MICU1: variants seen among roughly 807,000 people sequenced by gnomAD.
MICU1 encodes the protein mitochondrial calcium uptake 1, also known as calcium uptake protein 1, mitochondrial.
A neutral mutation model predicts 56.8 loss-of-function variants in MICU1; 45 were observed. That is an observed-to-expected ratio of 0.79 (90% CI 0.62 to 1.02). The LOEUF is 1.02. MICU1 is among the 50% of genes least tolerant of loss of function. MICU1 has a pLI of 0.00. For synonymous variants in MICU1, 186 were observed against 195.1 expected, an observed-to-expected ratio of 0.95 and a Z score of 0.39; for missense variants, 504 against 587.1, an observed-to-expected ratio of 0.86 and a Z score of 1.46.
At chr10:72,556,232 A>T (rs891564857) in intron 3 of MICU1, among the ~76,000 whole-genome samples, 3 of 152,210 alleles carry the variant, frequency 2.0e-5, no homozygotes, top group African/African-American at 7.2e-5. Flanking sequence ...CTGTCATAGG[A>T]TGATCTCTTA....
chr10:72,385,902 C>G (rs1042327508), intron 10 of MICU1, among the ~76,000 whole-genome samples: 2 of 152,182 alleles, frequency 1.3e-5, no homozygotes, highest in African/African-American at 4.8e-5. Flanking sequence ...CTGTGAGGGG[C>G]CTGGTGGCAA....
At chr10:72,409,903 C>G (rs983318889) in intron 9 of MICU1, among the ~76,000 whole-genome samples, 1 of 152,182 alleles carries the variant, frequency 6.6e-6, no homozygotes, top group Admixed American at 6.5e-5. Flanking sequence ...CTATTATCAT[C>G]ATCTCAGAAG....
intron 1 of MICU1, among the ~76,000 whole-genome samples, chr10:72,588,467 A>G (rs1257658167): frequency 6.6e-6 from 1 of 152,216 alleles, no homozygotes; most frequent in Non-Finnish European, 1.5e-5. Flanking sequence ...TCTTGAATGA[A>G]GAAATACCAA....
chr10:72,602,761 T>C (rs1460681994), intron 1 of MICU1, among the ~76,000 whole-genome samples: 3 of 152,162 alleles, frequency 2.0e-5, no homozygotes, highest in African/African-American at 4.8e-5. Flanking sequence ...TAAATCCTAC[T>C]GTAATTTAGA....
intron 10 of MICU1, among the ~76,000 whole-genome samples, chr10:72,406,038 G>A (rs941178916): frequency 2.0e-5 from 3 of 151,152 alleles, no homozygotes; most frequent in African/African-American, 7.4e-5. Flanking sequence ...TTTAAAAAAG[G>A]AGATGAAACT....
intron 3 of MICU1, among the ~76,000 whole-genome samples, chr10:72,551,751 T>C (rs1840040965): frequency 6.6e-6 from 1 of 152,172 alleles, no homozygotes; most frequent in Admixed American, 6.5e-5. Context: ...TTTTTTTCTA[T>C]TTTTTACAAT....
chr10:72,472,422 G>A (rs757728734), intron 8 of MICU1, among the ~76,000 whole-genome samples: 7 of 152,096 alleles, frequency 4.6e-5, no homozygotes, highest in Non-Finnish European at 8.8e-5. Context: ...CTCTGTATGC[G>A]ATGAAGAAAA....
At chr10:72,369,682 G>A (rs1862261166) in intron 11 of MICU1, among the ~76,000 whole-genome samples, 1 of 149,732 alleles carries the variant, frequency 6.7e-6, no homozygotes, top group South Asian at 2.1e-4. Context: ...AAACTTTGGA[G>A]AGCATCTGTT....
At chr10:72,371,928 T>G (rs997799802) in intron 11 of MICU1, among the ~76,000 whole-genome samples, 1 of 151,738 alleles carries the variant, frequency 6.6e-6, no homozygotes, top group Non-Finnish European at 1.5e-5. Context: ...TGGTGGTGCC[T>G]GCCTGTAGGC....
At position 72,371,303 on chromosome 10, in the gene MICU1, C is replaced by T. The variant is rs113800282; in HGVS notation, c.1271-2948G>A. On this transcript the variant is annotated intron_variant, in intron 11 of 11. Coordinates refer to ENST00000361114, the MANE Select transcript of MICU1 (RefSeq NM_001195518.2). Reference sequence around the variant, plus strand: ...TCGGGAGGCTGAGGCAGGAGAATGGCGTGAACTTGGGAGGTGGAGCTTGCA... The same window carrying T: ...TCGGGAGGCTGAGGCAGGAGAATGGTGTGAACTTGGGAGGTGGAGCTTGCA... Among the ~76,000 whole-genome samples, 194 of 141,808 alleles carry T rather than the reference C, an allele frequency of 1.4e-3. 1 individual carries two copies. Among genetic ancestry groups the T allele is most frequent in the African/African-American group, 2.5e-3 (94 of 37,916 alleles). The allele number at this position is 141,808 out of a possible 152,430, so 93.0% of individuals were successfully genotyped here. A position where few individuals can be genotyped will look rare whatever the true frequency, so the allele number is the denominator to read the frequency against.
chr10:72,429,436 GA>G (rs1196361748), intron 8 of MICU1, among the ~76,000 whole-genome samples: 1 of 109,038 alleles, frequency 9.2e-6, no homozygotes, highest in Non-Finnish European at 2.0e-5. Context: ...AAAAAAAAAA[GA>G]AAAAAAATTC....
intron 8 of MICU1, among the ~76,000 whole-genome samples, chr10:72,424,546 G>C (rs1864286770): frequency 6.6e-6 from 1 of 151,932 alleles, no homozygotes; most frequent in Non-Finnish European, 1.5e-5. Context: ...TGAACTTCTG[G>C]GATCAAGCAA....
chr10:72,383,245 C>CA (rs56293812), intron 10 of MICU1, among the ~76,000 whole-genome samples: 60,494 of 118,876 alleles, frequency 0.51, 16,352 homozygotes, highest in Non-Finnish European at 0.66. Context: ...GACCCTGTCT[C>CA]AAAAAAAAAA....
intron 9 of MICU1, among the ~76,000 whole-genome samples, chr10:72,419,429 G>A (rs1864084960): frequency 1.3e-5 from 2 of 152,182 alleles, no homozygotes; most frequent in African/African-American, 4.8e-5. Flanking sequence ...TGTGGGAAAA[G>A]GCTGGACTGA....
At chr10:72,399,591 G>T (rs1363391522) in intron 10 of MICU1, among the ~76,000 whole-genome samples, 1 of 150,502 alleles carries the variant, frequency 6.6e-6, no homozygotes, top group Admixed American at 6.6e-5. Context: ...GATTGCAGGG[G>T]GCTGAGATCG....
At chr10:72,625,710 C>T (rs764747410) in intron 1 of MICU1, among the ~76,000 whole-genome samples, 1 of 152,136 alleles carries the variant, frequency 6.6e-6, no homozygotes, top group African/African-American at 2.4e-5. Context: ...AGGAGGGGGG[C>T]GTCGGCGCCA....
chr10:72,448,848 T>G (rs1222595942), intron 8 of MICU1, among the ~76,000 whole-genome samples: 1 of 152,202 alleles, frequency 6.6e-6, no homozygotes, highest in African/African-American at 2.4e-5. Flanking sequence ...GGGAGAAAAT[T>G]TGCAAGATTT....
chr10:72,508,112 T>C (rs750292322), intron 6 of MICU1, 43 bp downstream of exon 6: 31 of 960,162 alleles, frequency 3.2e-5, no homozygotes, highest in Non-Finnish European at 4.7e-5. Flanking sequence ...TTTATAGTCC[T>C]GTATCTGCTC....
intron 8 of MICU1, among the ~76,000 whole-genome samples, chr10:72,436,402 T>G (rs1175702098): frequency 2.0e-5 from 3 of 152,070 alleles, no homozygotes; most frequent in African/African-American, 7.2e-5. Flanking sequence ...CAAAACTCCA[T>G]CTGTAGATCA....
Sources: gnomAD v4.1 joint callset for allele counts (sites outside exome capture counted in the v4.1 genomes callset) on GRCh38, gnomAD v4.1.1 for gene constraint, MANE v1.5 for transcripts, NCBI Gene and HGNC (gene_info 2026-07-23, HGNC 2026-07-21) for gene names.